The following RARB variants were observed in gnomAD, a reference collection of about 807,000 sequenced individuals.
RARB encodes the protein HBV-activated protein.
A neutral mutation model predicts 51.9 loss-of-function variants in RARB; 17 were observed. The observed-to-expected ratio is 0.33, with a 90% confidence interval of 0.22 to 0.49. The LOEUF (loss-of-function observed/expected upper bound fraction) is 0.49. Among genes scored for constraint, RARB ranks in the 20% least tolerant of loss-of-function variants. RARB has a pLI of 0.99. For synonymous variants in RARB, 215 were observed against 195.4 expected, an observed-to-expected ratio of 1.10 and a Z score of -0.84; for missense variants, 369 against 550.8, an observed-to-expected ratio of 0.67 and a Z score of 3.30.
intron 3 of RARB, among the ~76,000 whole-genome samples, chr3:25,514,430 G>A (rs1304831641): frequency 6.6e-6 from 1 of 152,058 alleles, no homozygotes; most frequent in Admixed American, 6.5e-5. Flanking sequence ...TTTCTCAGGA[G>A]AAGGAAAGTT....
intron 5 of RARB, among the ~76,000 whole-genome samples, chr3:25,411,226 A>G (rs958182781): frequency 2.0e-5 from 3 of 152,242 alleles, no homozygotes; most frequent in Non-Finnish European, 4.4e-5. Flanking sequence ...ACTGGAAGAT[A>G]AGATGAAGAA....
At chr3:24,939,317 C>T (rs1202658659) in intron 2 of RARB, among the ~76,000 whole-genome samples, 1 of 152,162 alleles carries the variant, frequency 6.6e-6, no homozygotes, top group Non-Finnish European at 1.5e-5. Flanking sequence ...CCTTTCAATT[C>T]TTTCTAGCAT....
chr3:25,272,213 A>G (rs1376000303), intron 5 of RARB, among the ~76,000 whole-genome samples: 1 of 152,170 alleles, frequency 6.6e-6, no homozygotes, highest in East Asian at 1.9e-4. Flanking sequence ...AAAGTTGTTC[A>G]TCTCCGGTTG....
At chr3:25,564,001 C>A (rs1403473131) in intron 3 of RARB, among the ~76,000 whole-genome samples, 1 of 136,044 alleles carries the variant, frequency 7.4e-6, no homozygotes, top group East Asian at 2.2e-4. Context: ...TTGTTTTCAT[C>A]TCTTCCTGAA....
chr3:25,078,356 A>G (rs965301632), intron 3 of RARB, among the ~76,000 whole-genome samples: 9 of 152,076 alleles, frequency 5.9e-5, no homozygotes, highest in Non-Finnish European at 1.2e-4. Context: ...ATACTATCTG[A>G]TGAATAGATT....
rs556007022 is a variant in RARB, at chr3:25,481,959, G to T, written c.307-19223G>T. On this transcript the variant is annotated intron_variant, in intron 2 of 7. Transcript: ENST00000330688. ...GTACTATCCCCATTTAAAAGACAAG[G>T]TAAGGCACAGAGAGGTTATGTAACT... 7.2e-5 allele frequency among the ~76,000 whole-genome samples: 11 copies of T among 152,288 alleles called. No homozygotes were observed. In the South Asian group the frequency reaches 2.3e-3, roughly 32 times the overall value.
chr3:24,970,134 A>ATGTTGTC (rs1696363393), intron 2 of RARB, among the ~76,000 whole-genome samples: 1 of 152,058 alleles, frequency 6.6e-6, no homozygotes, highest in Non-Finnish European at 1.5e-5. Context: ...AGATAACTGA[A>ATGTTGTC]TGGCTGTAGC....
chr3:25,287,975 TTTCAC>T (rs1703696726), intron 5 of RARB, among the ~76,000 whole-genome samples: 1 of 152,062 alleles, frequency 6.6e-6, no homozygotes, highest in Admixed American at 6.6e-5. Flanking sequence ...GGAAGAAACT[TTTCAC>T]TTATTAGATT....
chr3:25,579,198 T>C (rs1013117372), intron 4 of RARB, among the ~76,000 whole-genome samples: 1 of 152,240 alleles, frequency 6.6e-6, no homozygotes, highest in African/African-American at 2.4e-5. Context: ...GTTTTCTCAG[T>C]ATCTTAAGTC....
chr3:25,480,956 A>G (rs1696197159), intron 2 of RARB, among the ~76,000 whole-genome samples: 1 of 152,198 alleles, frequency 6.6e-6, no homozygotes, highest in African/African-American at 2.4e-5. Context: ...GGGTCTAGAA[A>G]TGTGCATTTC....
intron 2 of RARB, among the ~76,000 whole-genome samples, chr3:24,926,648 G>A (rs895434863): frequency 6.6e-5 from 10 of 151,994 alleles, no homozygotes; most frequent in South Asian, 2.1e-4. Context: ...ATGGGAAGTT[G>A]AGAGCTATTT....
intron 5 of RARB, among the ~76,000 whole-genome samples, chr3:25,202,966 C>T (rs1032505974): frequency 6.6e-6 from 1 of 152,140 alleles, no homozygotes; most frequent in Non-Finnish European, 1.5e-5. Flanking sequence ...TGGTGCAGAG[C>T]TGAGTTCAGT....
At chr3:25,488,395 A>G (rs1696568685) in intron 2 of RARB, among the ~76,000 whole-genome samples, 1 of 152,208 alleles carries the variant, frequency 6.6e-6, no homozygotes, top group South Asian at 2.1e-4. Flanking sequence ...GAGAGACTGA[A>G]GTGCTTTTGG....
chr3:25,214,701 A>G (rs1317901982), intron 5 of RARB, among the ~76,000 whole-genome samples: 2 of 152,176 alleles, frequency 1.3e-5, no homozygotes, highest in Non-Finnish European at 1.5e-5. Flanking sequence ...ATAAGATGAA[A>G]GTGTCCTGTT....
chr3:25,176,454 G>A (rs1010643134), intron 5 of RARB, among the ~76,000 whole-genome samples: 1 of 149,566 alleles, frequency 6.7e-6, no homozygotes, highest in Admixed American at 6.7e-5. Flanking sequence ...AGAGTGCAGT[G>A]GTGTGATCTT....
intron 2 of RARB, among the ~76,000 whole-genome samples, chr3:25,468,476 G>A (rs1290717632): frequency 6.7e-6 from 1 of 150,228 alleles, no homozygotes; most frequent in Non-Finnish European, 1.5e-5. Context: ...AGGTAACAGA[G>A]GGTCCGAGTA....
At chr3:25,575,421 A>G (rs1700886535) in intron 4 of RARB, among the ~76,000 whole-genome samples, 1 of 152,212 alleles carries the variant, frequency 6.6e-6, no homozygotes, top group Non-Finnish European at 1.5e-5. Context: ...GAACAAAATA[A>G]TACAAACTGG....
chr3:24,829,573 T>C (rs968513680), intron 1 of RARB, among the ~76,000 whole-genome samples: 1 of 145,320 alleles, frequency 6.9e-6, no homozygotes, highest in Non-Finnish European at 1.5e-5. Flanking sequence ...GGCCGGGGGC[T>C]GGGGGTTGGG....
At chr3:25,158,603 T>C (rs1462671231) in intron 4 of RARB, among the ~76,000 whole-genome samples, 1 of 152,162 alleles carries the variant, frequency 6.6e-6, no homozygotes, top group Non-Finnish European at 1.5e-5. Flanking sequence ...GTCTAGTCAA[T>C]AGGGGCAGAG....
Sources: gnomAD v4.1 joint callset for allele counts (sites outside exome capture counted in the v4.1 genomes callset) on GRCh38, gnomAD v4.1.1 for gene constraint, MANE v1.5 for transcripts, NCBI Gene and HGNC (gene_info 2026-07-23, HGNC 2026-07-21) for gene names.